Variants in INPP5A observed in about 807,000 individuals in gnomAD.
INPP5A encodes the protein inositol polyphosphate-5-phosphatase A.
A neutral mutation model predicts 65.2 loss-of-function variants in INPP5A; 14 were observed. The ratio of observed to expected loss-of-function variants is 0.21; its 90% CI spans 0.14 to 0.34. INPP5A has a LOEUF of 0.34. INPP5A is among the 10% of genes least tolerant of loss of function. The pLI is 1.00. For missense variants in INPP5A, 431 were observed against 545.6 expected, an observed-to-expected ratio of 0.79 and a Z score of 2.09; for synonymous variants, 207 against 208.3, an observed-to-expected ratio of 0.99 and a Z score of 0.05.
chr10:132,732,398 A>G lies in INPP5A; in HGVS notation c.732+5493A>G, dbSNP rs150948146. Among the ~76,000 whole-genome samples the G allele has an allele frequency of 4.8e-3, 728 of 152,344 alleles. 6 individuals are homozygous for G. The highest frequency in any genetic ancestry group is 0.017 in the African/African-American group (692 of 41,572). ...CGTTACATTTTGCACACAGTTTACT[A>G]TGTAAGTAAAGCGAGCCTAGTGGAA... On this transcript the variant is annotated intron_variant, in intron 9 of 15. Coordinates refer to ENST00000368594, the MANE Select transcript of INPP5A (RefSeq NM_005539.5).
rs764523023 is a variant in INPP5A, at chr10:132,755,166, CGT to C, written c.903+5327_903+5328del. On this transcript the variant is annotated intron_variant, in intron 11 of 15. Coordinates refer to ENST00000368594, the MANE Select transcript of INPP5A (RefSeq NM_005539.5). ...GTGTGAGCAAGCATATGCATATGAG[CGT>C]GTGTGAGCATGTGTGAGAGCAGGCA... Among the ~76,000 whole-genome samples, 62 of 150,546 alleles carry C rather than the reference CGT, an allele frequency of 4.1e-4. 1 individual carries two copies. In the Middle Eastern group the frequency reaches 0.011, roughly 26 times the overall value.
rs1308215128 is a variant in INPP5A at position 132,783,369 on chromosome 10, C to T, written c.*1340C>T. ...TGTCGCTGCTGTGGTTGCCGCTGTC[C>T]GCGGTTCAACACGGAGTCCGCCCCG... On this transcript the variant is annotated 3_prime_UTR_variant, in exon 16 of 16. Coordinates refer to ENST00000368594, the MANE Select transcript of INPP5A (RefSeq NM_005539.5). 1.3e-5 allele frequency: 2 copies of T among 152,338 alleles called. No individual in the cohort carries two copies. Among genetic ancestry groups the T allele is most frequent in the East Asian group, 1.9e-4 (1 of 5,190 alleles). 9.4% of individuals were successfully genotyped at this position (152,338 alleles called of 1,614,324 possible). A position where few individuals can be genotyped will look rare whatever the true frequency, so the allele number is the denominator to read the frequency against.
rs1400763290 is a variant in INPP5A, at chr10:132,549,891, TG to T, written c.75+11724del. 6.6e-6 allele frequency among the ~76,000 whole-genome samples: 1 copy of T among 151,218 alleles called. No homozygotes were observed. On this transcript the variant is annotated intron_variant, in intron 1 of 15. Transcript: ENST00000368594. The surrounding 1 kb of genome is among the most constrained non-coding windows in gnomAD (Gnocchi z 4.9). ...AAATTATTAACCAGGCATTAGGGGA[TG>T]GGGTCAGCCTCGAGTTACTAACCGG... is the stretch of plus-strand genomic sequence containing the variant.
At position 132,584,167 on chromosome 10, in the gene INPP5A, C is replaced by A. The variant is rs531510994; in HGVS notation, c.76-23748C>A. On this transcript the variant is annotated intron_variant, in intron 1 of 15. Coordinates refer to ENST00000368594, the MANE Select transcript of INPP5A (RefSeq NM_005539.5). The stretch of plus-strand genomic sequence containing the variant: ...GAGCTGTTGACCTGTAATGTTGTTT[C>A]TTTGCCTTGCCTCTGTGATGCCTTT... 2.0e-5 allele frequency among the ~76,000 whole-genome samples: 3 copies of A among 152,378 alleles called. No homozygotes were observed. The South Asian group carries it at 6.2e-4, about 32-fold the overall frequency.
chr10:132,673,457 A>T (rs1018878790), intron 4 of INPP5A, among the ~76,000 whole-genome samples: 1 of 152,156 alleles, frequency 6.6e-6, no homozygotes, highest in Non-Finnish European at 1.5e-5. Context: ...CCCTCTGGAG[A>T]ACTTTGTCCC....
At chr10:132,699,248 C>G (rs1312501971) in intron 6 of INPP5A, among the ~76,000 whole-genome samples, 2 of 151,828 alleles carry the variant, frequency 1.3e-5, no homozygotes, top group African/African-American at 4.8e-5. Context: ...GCTGTGGTTC[C>G]CCTGGAGAGC....
chr10:132,766,157 C>T (rs1846841017), intron 12 of INPP5A, among the ~76,000 whole-genome samples: 1 of 152,150 alleles, frequency 6.6e-6, no homozygotes, highest in Admixed American at 6.5e-5. Context: ...TCTGTGTGTG[C>T]ACGTGTGTGT....
chr10:132,777,053 A>G (rs577536646), intron 12 of INPP5A, among the ~76,000 whole-genome samples: 14 of 152,280 alleles, frequency 9.2e-5, no homozygotes, highest in Non-Finnish European at 1.9e-4. Flanking sequence ...CTCCGCCCTC[A>G]GGGCTACTGG....
Position 132,780,902 on chromosome 10 carries a change from C to T in INPP5A, c.1143C>T (p.Cys381=), listed in dbSNP as rs1847149811. 6.2e-7 allele frequency: 1 copy of T among 1,605,420 alleles called. No homozygotes were observed. Among genetic ancestry groups the T allele is most frequent in the Non-Finnish European group, 8.5e-7 (1 of 1,175,502 alleles). The change falls in exon 14 of 16, where the codon TGC becomes TGT. Residue 381 remains cysteine (C), a synonymous_variant. Coordinates refer to ENST00000368594, the MANE Select transcript of INPP5A (RefSeq NM_005539.5). The part of the protein sequence containing the change: ...VTYDHIGPNV[C]MGDHKPVFLA... ...ATGACCACATTGGGCCCAACGTCTG[C>T]ATGGGAGACCACAAGGTGACATAGA...
chr10:132,739,563 A>G (rs1590972305), intron 9 of INPP5A, among the ~76,000 whole-genome samples: 1 of 152,324 alleles, frequency 6.6e-6, no homozygotes, highest in Non-Finnish European at 1.5e-5. Context: ...GGTGGTGGCT[A>G]TAGTGCCAGC....
intron 4 of INPP5A, among the ~76,000 whole-genome samples, chr10:132,670,091 C>G (rs1444481040): frequency 6.7e-6 from 1 of 149,122 alleles, no homozygotes; most frequent in African/African-American, 2.5e-5. Context: ...CTTCCAATCC[C>G]TAAACCCCAC....
chr10:132,688,664 T>C (rs1397732507), intron 4 of INPP5A, among the ~76,000 whole-genome samples: 1 of 151,356 alleles, frequency 6.6e-6, no homozygotes, highest in Non-Finnish European at 1.5e-5. Flanking sequence ...CAAGTGAGTG[T>C]GAACAAGTGT....
intron 1 of INPP5A, among the ~76,000 whole-genome samples, chr10:132,571,997 C>T (rs1413721918): frequency 6.6e-6 from 1 of 152,222 alleles, no homozygotes; most frequent in African/African-American, 2.4e-5. Context: ...TCCTGTGGTC[C>T]CTCCTGACTA....
At chr10:132,543,692 A>G (rs545542693) in intron 1 of INPP5A, among the ~76,000 whole-genome samples, 2 of 152,380 alleles carry the variant, frequency 1.3e-5, no homozygotes, top group African/African-American at 2.4e-5. Flanking sequence ...TGCTGGGCTT[A>G]CAGGCATGAG....
At position 132,741,769 on chromosome 10, in the gene INPP5A, C is replaced by T. The variant is rs201931002; in HGVS notation, c.733-7748C>T. ...AGCCGACGTAAACTGAGGTGGACGTCAGTGTCCGCGTCCGCTTGCTTTACT... is the reference window on the plus strand; with the variant it reads ...AGCCGACGTAAACTGAGGTGGACGTTAGTGTCCGCGTCCGCTTGCTTTACT... On this transcript the variant is annotated intron_variant, in intron 9 of 15. Coordinates refer to ENST00000368594, the MANE Select transcript of INPP5A (RefSeq NM_005539.5). The surrounding 1 kb of genome is among the most constrained non-coding windows in gnomAD (Gnocchi z 4.4). Among the ~76,000 whole-genome samples the T allele has an allele frequency of 1.0e-3, 31 of 30,284 alleles. 7 individuals carry two copies. In the Admixed American group the frequency reaches 0.013, roughly 13 times the overall value. 19.9% of individuals were successfully genotyped at this position (30,284 alleles called of 152,430 possible).
rs1337465355 is a variant in INPP5A, at chr10:132,587,730, A to G, written c.76-20185A>G. On this transcript the variant is annotated intron_variant, in intron 1 of 15. Transcript: ENST00000368594. This position sits in a 1 kb window ranked among gnomAD's most constrained non-coding sequence, Gnocchi z 4.3. ...GTTGTTTCTTAGAATTTGGCCGGGC[A>G]TGGTGGCTCATGCCTGTAATCCCCC... 1.3e-5 allele frequency among the ~76,000 whole-genome samples: 2 copies of G among 152,148 alleles called. No homozygotes were observed. The highest frequency in any genetic ancestry group is 1.3e-4 in the Admixed American group (2 of 15,274).
chr10:132,688,669 A>G (rs1321813001), intron 4 of INPP5A, among the ~76,000 whole-genome samples: 1 of 149,282 alleles, frequency 6.7e-6, no homozygotes, highest in African/African-American at 2.5e-5. Flanking sequence ...GAGTGTGAAC[A>G]AGTGTGTGCG....
intron 12 of INPP5A, among the ~76,000 whole-genome samples, chr10:132,773,086 G>A (rs2134686365): frequency 6.6e-6 from 1 of 152,388 alleles, no homozygotes; most frequent in East Asian, 1.9e-4. Flanking sequence ...CCCGGTGGAG[G>A]CCTCTGGGCT....
Position 132,697,813 on chromosome 10 carries a change from C to G in INPP5A, c.371-3C>G. 1 of 1,600,748 alleles carries G rather than the reference C, an allele frequency of 6.2e-7. No homozygotes were observed. ...GTCACCTCGTCCTTCTGGTCTCTTC[C>G]AGCTAAGAAGTATAGAAAGGTCGCT... On this transcript the variant is annotated splice_polypyrimidine_tract_variant and splice_region_variant and intron_variant, in intron 5 of 15. Transcript: ENST00000368594. The surrounding 1 kb of genome is among the most constrained non-coding windows in gnomAD (Gnocchi z 5.6).
Sources: gnomAD v4.1 joint callset for allele counts (sites outside exome capture counted in the v4.1 genomes callset) on GRCh38, gnomAD v4.1.1 for gene constraint, Gnocchi (gnomAD v3.1) non-coding constraint, MANE v1.5 for transcripts, NCBI Gene and HGNC (gene_info 2026-07-23, HGNC 2026-07-21) for gene names.